RALA: variants seen among roughly 807,000 people sequenced by gnomAD.
The protein encoded by RALA is RAS like proto-oncogene A, also known as ras-related protein Ral-A.
RALA carries 5 observed loss-of-function variants against 24.0 expected under a neutral mutation model. That is an observed-to-expected ratio of 0.21 (90% CI 0.11 to 0.44). The LOEUF (loss-of-function observed/expected upper bound fraction) is 0.44, where lower values mean the gene tolerates loss of function less well. RALA is among the 20% of genes least tolerant of loss of function. The pLI, the probability that RALA is intolerant of heterozygous loss-of-function variation, is 0.99. For synonymous variants in RALA, 77 were observed against 83.8 expected (o/e 0.92, Z 0.44); for missense variants, 95 against 241.2 (o/e 0.39, Z 4.01).
chr7:39,631,303 C>T (rs1014481825), intron 1 of RALA, among the ~76,000 whole-genome samples: 6 of 152,150 alleles, frequency 3.9e-5, no homozygotes, highest in African/African-American at 1.2e-4. Context: ...CCATGGTGCC[C>T]GGCCTCATTG....
intron 1 of RALA, among the ~76,000 whole-genome samples, chr7:39,672,443 A>G (rs1398869141): frequency 5.2e-4 from 79 of 152,194 alleles, no homozygotes; most frequent in Non-Finnish European, 1.2e-4. Flanking sequence ...TTGTTAGTGG[A>G]AATGCAAAAA....
intron 2 of RALA, among the ~76,000 whole-genome samples, chr7:39,688,379 G>A (rs918088459): frequency 7.2e-6 from 1 of 138,552 alleles, no homozygotes; most frequent in Non-Finnish European, 1.5e-5. Context: ...ACACAACAGA[G>A]CAAGACCCCT....
intron 1 of RALA, among the ~76,000 whole-genome samples, chr7:39,664,987 A>G (rs1278348440): frequency 6.6e-6 from 1 of 152,226 alleles, no homozygotes; most frequent in Non-Finnish European, 1.5e-5. Context: ...TTCGTTTACA[A>G]CATAGACTCT....
At chr7:39,668,357 A>G (rs1792319814) in intron 1 of RALA, among the ~76,000 whole-genome samples, 1 of 152,208 alleles carries the variant, frequency 6.6e-6, no homozygotes, top group Non-Finnish European at 1.5e-5. Flanking sequence ...AGTACTTTAA[A>G]TGTAGAAATA....
chr7:39,624,339 A>T, intron 1 of RALA: 1 of 146,250 alleles, frequency 6.8e-6, no homozygotes, highest in Non-Finnish European at 1.5e-5. Flanking sequence ...AGTTAAAGGA[A>T]TGGTTTTTCA....
intron 1 of RALA, among the ~76,000 whole-genome samples, chr7:39,671,364 T>G (rs184772991): frequency 6.6e-6 from 1 of 152,322 alleles, no homozygotes; most frequent in East Asian, 1.9e-4. Context: ...TTCTCATGTG[T>G]TTTAGAAATT....
At chr7:39,702,065 T>A (rs942150771) in intron 4 of RALA, among the ~76,000 whole-genome samples, 2 of 152,254 alleles carry the variant, frequency 1.3e-5, no homozygotes, top group Non-Finnish European at 2.9e-5. Context: ...GAATCAGTTT[T>A]ATGTCGAGGG....
chr7:39,663,784 A>T (rs1286877823), intron 1 of RALA, among the ~76,000 whole-genome samples: 1 of 152,222 alleles, frequency 6.6e-6, no homozygotes. Flanking sequence ...ATACCTTTCC[A>T]ATCTGTCCCT....
intron 4 of RALA, chr7:39,700,900 A>G (rs1793015369): frequency 6.6e-6 from 1 of 152,246 alleles, no homozygotes. Flanking sequence ...AGTCATTTGC[A>G]GCAACTATTC....
chr7:39,703,411 T>C (rs1195515273), intron 4 of RALA: 1 of 152,236 alleles, frequency 6.6e-6, no homozygotes. Flanking sequence ...GGTGTGTGTT[T>C]TATACTTTTT....
At chr7:39,648,960 T>G (rs1164486238) in intron 1 of RALA, among the ~76,000 whole-genome samples, 1 of 151,976 alleles carries the variant, frequency 6.6e-6, no homozygotes, top group African/African-American at 2.4e-5. Flanking sequence ...TCAGGAGGCT[T>G]GAGGTGGGAG....
intron 1 of RALA, among the ~76,000 whole-genome samples, chr7:39,669,810 A>AT (rs1462393090): frequency 3.1e-5 from 4 of 128,180 alleles, no homozygotes; most frequent in African/African-American, 1.0e-4. Context: ...TGTCTCTTTA[A>AT]AAAAAAAAAA....
At chr7:39,671,505 C>G (rs566820710) in intron 1 of RALA, among the ~76,000 whole-genome samples, 1 of 151,952 alleles carries the variant, frequency 6.6e-6, no homozygotes, top group Admixed American at 6.6e-5. Context: ...ATATTTGTTA[C>G]GCTTTATTGA....
intron 1 of RALA, among the ~76,000 whole-genome samples, chr7:39,653,307 C>T (rs974032682): frequency 2.0e-5 from 3 of 152,060 alleles, no homozygotes; most frequent in Admixed American, 1.3e-4. Context: ...AGATTACAGG[C>T]ATGAGCCACC....
At chr7:39,653,029 A>G (rs1021305864) in intron 1 of RALA, among the ~76,000 whole-genome samples, 1 of 146,686 alleles carries the variant, frequency 6.8e-6, no homozygotes, top group African/African-American at 2.5e-5. Flanking sequence ...AACTATTATT[A>G]TTATTATTAT....
intron 1 of RALA, among the ~76,000 whole-genome samples, chr7:39,666,175 C>T (rs1583729530): frequency 6.6e-6 from 1 of 151,764 alleles, no homozygotes; most frequent in Non-Finnish European, 1.5e-5. Flanking sequence ...TGGTTGACTA[C>T]TTTGTTTAAG....
At chr7:39,698,381 T>C (rs1439693903) in intron 4 of RALA, among the ~76,000 whole-genome samples, 1 of 152,124 alleles carries the variant, frequency 6.6e-6, no homozygotes, top group African/African-American at 2.4e-5. Flanking sequence ...TTCAGTTAGC[T>C]TCCATTTGGA....
chr7:39,661,103 G>C (rs1436420865), intron 1 of RALA, among the ~76,000 whole-genome samples: 1 of 152,154 alleles, frequency 6.6e-6, no homozygotes, highest in African/African-American at 2.4e-5. Flanking sequence ...AAAACAATCA[G>C]ATCTCATGAG....
rs573874365 is a variant in RALA, at chr7:39,706,280, C to A, written c.*35C>A. 6.4e-7 allele frequency: 1 copy of A among 1,567,224 alleles called. No homozygotes were observed. The highest frequency in any genetic ancestry group is 1.2e-5 in the South Asian group (1 of 82,220). ...AAACTCCTTTCTTATCTTGACCATA[C>A]TAATAAATATAATTTATAAGCATTG... On this transcript the variant is annotated 3_prime_UTR_variant, in exon 5 of 5. Coordinates refer to ENST00000005257, the MANE Select transcript of RALA (RefSeq NM_005402.4).
Sources: gnomAD v4.1 joint callset for allele counts (sites outside exome capture counted in the v4.1 genomes callset) on GRCh38, gnomAD v4.1.1 for gene constraint, MANE v1.5 for transcripts, NCBI Gene and HGNC (gene_info 2026-07-23, HGNC 2026-07-21) for gene names.